RREB1: variants seen among roughly 807,000 people sequenced by gnomAD.
RREB1 encodes ras-responsive element-binding protein 1.
Under a neutral mutation model 117.8 loss-of-function variants are expected in RREB1, and 27 were observed. The ratio of observed to expected loss-of-function variants is 0.23; its 90% confidence interval spans 0.17 to 0.32. The LOEUF (loss-of-function observed/expected upper bound fraction) is 0.32, where lower values mean the gene tolerates loss of function less well. Ranked by LOEUF, RREB1 falls within the 10% of genes least tolerant of loss-of-function variation. The probability of loss-of-function intolerance (pLI) is 1.00; values close to 1 mark genes in which losing one functional copy is unlikely to be tolerated. For synonymous variants in RREB1, 1,298 were observed against 1,026.7 expected (o/e 1.26, Z -5.05); for missense variants, 2,577 against 2,378.2 (o/e 1.08, Z -1.74).
intron 1 of RREB1, among the ~76,000 whole-genome samples, chr6:7,139,515 CTG>C (rs1200750454): frequency 1.3e-5 from 2 of 152,144 alleles, no homozygotes; most frequent in Non-Finnish European, 2.9e-5. Flanking sequence ...AAATAGATAA[CTG>C]TTGAAATGTT....
At chr6:7,200,283 T>TGTGTG (rs1491275718) in intron 6 of RREB1, among the ~76,000 whole-genome samples, 84 of 93,928 alleles carry the variant, frequency 8.9e-4, no homozygotes, top group African/African-American at 5.6e-3. Context: ...TGTGTGTGTA[T>TGTGTG]TTTTTTTTTT....
At chr6:7,158,062 G>T (rs1204754443) in intron 1 of RREB1, among the ~76,000 whole-genome samples, 1 of 152,090 alleles carries the variant, frequency 6.6e-6, no homozygotes, top group Non-Finnish European at 1.5e-5. Flanking sequence ...GCATTCTTCA[G>T]GGTATGAATC....
chr6:7,141,976 C>A (rs1178384637), intron 1 of RREB1, among the ~76,000 whole-genome samples: 1 of 152,220 alleles, frequency 6.6e-6, no homozygotes, highest in South Asian at 2.1e-4. Context: ...ATTTGGGAGG[C>A]CCAGGCAGGC....
intron 10 of RREB1, among the ~76,000 whole-genome samples, chr6:7,233,813 G>A (rs1228011863): frequency 6.6e-6 from 1 of 152,160 alleles, no homozygotes; most frequent in Non-Finnish European, 1.5e-5. Context: ...TAGATGAGGT[G>A]GAACAGCAGG....
chr6:7,147,162 A>G (rs932100159), intron 1 of RREB1, among the ~76,000 whole-genome samples: 1 of 152,092 alleles, frequency 6.6e-6, no homozygotes, highest in African/African-American at 2.4e-5. Context: ...AGCCTGCTTC[A>G]CCTTCAGACT....
In RREB1 at chr6:7,249,238, C is replaced by G. The variant is rs1178121581; in HGVS notation, c.*270C>G. On this transcript the variant is annotated 3_prime_UTR_variant, in exon 13 of 13. Coordinates refer to ENST00000379938, the MANE Select transcript of RREB1 (RefSeq NM_001003699.4). The stretch of plus-strand genomic sequence containing the variant: ...ATATTATCATGGGTGTTGTATTTTT[C>G]CAAAATGACTTCTTAAACAAAACAA... The G allele has an allele frequency of 7.0e-6, 3 of 425,636 alleles. No homozygotes were observed. The South Asian group carries it at 2.2e-4, about 31-fold the overall frequency. The allele number at this position is 425,636 out of a possible 1,614,324, so 26.4% of individuals were successfully genotyped here.
chr6:7,114,565 T>C (rs1469718665), intron 1 of RREB1, among the ~76,000 whole-genome samples: 3 of 151,814 alleles, frequency 2.0e-5, no homozygotes, highest in African/African-American at 4.8e-5. Context: ...ACGACCCCCA[T>C]ACGTCAGCAG....
chr6:7,233,309 G>T (rs941426541), intron 10 of RREB1, among the ~76,000 whole-genome samples: 1 of 152,162 alleles, frequency 6.6e-6, no homozygotes, highest in African/African-American at 2.4e-5. Context: ...GTATATAAAT[G>T]GCCATACAAC....
chr6:7,222,281 G>A (rs1235803376), intron 8 of RREB1, among the ~76,000 whole-genome samples: 2 of 152,184 alleles, frequency 1.3e-5, no homozygotes, highest in Non-Finnish European at 2.9e-5. Flanking sequence ...ATTTCAGTTG[G>A]TCTGGGGTGA....
At chr6:7,172,349 C>A (rs975713005) in intron 1 of RREB1, among the ~76,000 whole-genome samples, 1 of 151,884 alleles carries the variant, frequency 6.6e-6, no homozygotes, top group East Asian at 1.9e-4. Flanking sequence ...TTGCTGCCCC[C>A]CTTCACCTCT....
At chr6:7,172,700 G>A (rs532066284) in intron 1 of RREB1, among the ~76,000 whole-genome samples, 2 of 101,174 alleles carry the variant, frequency 2.0e-5, no homozygotes, top group Admixed American at 8.6e-5. Context: ...GTGGGGGGGT[G>A]GGGGTGACTT....
At chr6:7,155,392 C>T (rs1763316210) in intron 1 of RREB1, among the ~76,000 whole-genome samples, 1 of 152,232 alleles carries the variant, frequency 6.6e-6, no homozygotes. Context: ...CTGCAACTTC[C>T]GTCTCCCGGG....
Position 7,230,777 on chromosome 6 carries a change from C to T in RREB1, c.2678C>T (p.Ala893Val), listed in dbSNP as rs375275893. The change falls in exon 10 of 13, where the codon GCG becomes GTG. Residue 893 changes from alanine to valine, a missense_variant. Physicochemically the swap from Ala to Val is moderately conservative, Grantham distance 64. Transcript: ENST00000379938. ...AAGTTGGAGCCCGCCAGTAGCTTTG[C>T]GGTGGACTTCAATGAGCCCCTGGAC... Reference protein sequence around the residue: ...SIKLEPASSFAVDFNEPLDFS... With the variant: ...SIKLEPASSFVVDFNEPLDFS... 52 of 1,612,828 alleles carry T rather than the reference C, an allele frequency of 3.2e-5. No homozygotes were observed. Among genetic ancestry groups the T allele is most frequent in the Middle Eastern group, 3.3e-4 (2 of 6,076 alleles).
chr6:7,155,782 T>C (rs1004934662), intron 1 of RREB1, among the ~76,000 whole-genome samples: 3 of 152,252 alleles, frequency 2.0e-5, no homozygotes, highest in African/African-American at 7.2e-5. Flanking sequence ...TTGCATCCTT[T>C]TAAATTTTTT....
chr6:7,155,775 C>T (rs1011916864), intron 1 of RREB1, among the ~76,000 whole-genome samples: 1 of 152,190 alleles, frequency 6.6e-6, no homozygotes, highest in Non-Finnish European at 1.5e-5. Flanking sequence ...TAAGAACTTG[C>T]ATCCTTTTAA....
intron 1 of RREB1, among the ~76,000 whole-genome samples, chr6:7,141,101 C>T (rs536647882): frequency 3.9e-4 from 60 of 152,324 alleles, no homozygotes; most frequent in African/African-American, 1.4e-3. Flanking sequence ...GCCGACTGCC[C>T]GCGTCAGGGC....
At chr6:7,108,201 T>C (rs1004826022) in intron 1 of RREB1, 141 bp downstream of exon 1, 2 of 152,308 alleles carry the variant, frequency 1.3e-5, no homozygotes, top group African/African-American at 4.8e-5. Context: ...TGAAACTCGG[T>C]GTGTCCCGGA....
At chr6:7,112,058 T>C (rs1279684269) in intron 1 of RREB1, among the ~76,000 whole-genome samples, 2 of 152,238 alleles carry the variant, frequency 1.3e-5, no homozygotes, top group Non-Finnish European at 2.9e-5. Flanking sequence ...AGATTAGGTT[T>C]TGATAGGGCT....
intron 8 of RREB1, among the ~76,000 whole-genome samples, chr6:7,223,695 T>A (rs963368939): frequency 6.6e-6 from 1 of 152,198 alleles, no homozygotes; most frequent in African/African-American, 2.4e-5. Flanking sequence ...CAAATACATA[T>A]GTACATAAAT....
Sources: allele counts gnomAD v4.1 joint callset (sites outside exome capture counted in the v4.1 genomes callset), GRCh38; gene constraint gnomAD v4.1.1; transcripts MANE v1.5; gene names NCBI Gene and HGNC (gene_info 2026-07-23, HGNC 2026-07-21).